Variants in PKP4 observed in about 807,000 individuals in gnomAD.
The protein encoded by PKP4 is plakophilin-4.
PKP4 carries 90 observed loss-of-function variants against 145.1 expected under a neutral mutation model. The observed-to-expected ratio is 0.62, with a 90% confidence interval of 0.52 to 0.74. The LOEUF (loss-of-function observed/expected upper bound fraction) is 0.74, where lower values mean the gene tolerates loss of function less well. PKP4 is among the 30% of genes least tolerant of loss of function. PKP4 has a pLI of 0.00. For missense variants in PKP4, 1,340 were observed against 1,482.7 expected (o/e 0.90, Z 1.58); for synonymous variants, 563 against 577.2 (o/e 0.98, Z 0.35).
chr2:158,503,360 C>G (rs1164448860), intron 1 of PKP4, among the ~76,000 whole-genome samples: 1 of 152,162 alleles, frequency 6.6e-6, no homozygotes, highest in African/African-American at 2.4e-5. Context: ...CCTCCCTCAC[C>G]TAAGATTAAA....
chr2:158,590,003 C>T (rs1223768608), intron 3 of PKP4, among the ~76,000 whole-genome samples: 1 of 152,062 alleles, frequency 6.6e-6, no homozygotes, highest in Non-Finnish European at 1.5e-5. Context: ...GGGTGGGGGA[C>T]AAACATGACA....
chr2:158,473,661 G>C (rs192497753), intron 1 of PKP4, among the ~76,000 whole-genome samples: 15 of 152,160 alleles, frequency 9.9e-5, no homozygotes, highest in Non-Finnish European at 1.9e-4. Flanking sequence ...TGAGGGTAGA[G>C]GGTGGGAGGA....
At chr2:158,650,223 C>G (rs1033503656) in intron 11 of PKP4, among the ~76,000 whole-genome samples, 12 of 152,220 alleles carry the variant, frequency 7.9e-5, no homozygotes, top group African/African-American at 2.9e-4. Flanking sequence ...AGGAGCCACT[C>G]TGTGTGTCCC....
In PKP4 at chr2:158,673,880, C is replaced by A; in HGVS notation, c.3010-3C>A. On this transcript the variant is annotated splice_polypyrimidine_tract_variant and splice_region_variant and intron_variant, in intron 18 of 21. Transcript: ENST00000389759. ...GAGGTTTCTTTTTCTCTTAACTCTGCAGGATGGGTGGAATCAGAACCATTT... is the reference window on the plus strand; with the variant it reads ...GAGGTTTCTTTTTCTCTTAACTCTGAAGGATGGGTGGAATCAGAACCATTT... The A allele has an allele frequency of 1.3e-6, 2 of 1,585,750 alleles. No individual in the cohort carries two copies. The highest frequency in any genetic ancestry group is 1.7e-5 in the Admixed American group (1 of 60,006).
chr2:158,498,357 C>T lies in PKP4; in HGVS notation c.-5-34823C>T, dbSNP rs181893175. 1.2e-3 allele frequency among the ~76,000 whole-genome samples: 188 copies of T among 152,218 alleles called. 1 individual carries two copies. Among genetic ancestry groups the T allele is most frequent in the African/African-American group, 4.3e-3 (180 of 41,546 alleles). ...TTAGGTGACTGAGAATGGGGAAAATCAAAACCTATCCAGATAAAAAGCATT... is the reference window on the plus strand; with the variant it reads ...TTAGGTGACTGAGAATGGGGAAAATTAAAACCTATCCAGATAAAAAGCATT... On this transcript the variant is annotated intron_variant, in intron 1 of 21. Transcript: ENST00000389759.
intron 3 of PKP4, among the ~76,000 whole-genome samples, chr2:158,589,532 G>A (rs1003053181): frequency 7.9e-5 from 12 of 152,114 alleles, no homozygotes; most frequent in African/African-American, 2.9e-4. Flanking sequence ...CTCCTATCTG[G>A]AAACTCTGAA....
At chr2:158,514,412 G>A (rs1386324970) in intron 1 of PKP4, among the ~76,000 whole-genome samples, 1 of 152,186 alleles carries the variant, frequency 6.6e-6, no homozygotes, top group Admixed American at 6.5e-5. Flanking sequence ...TCAAAAAGCT[G>A]TTTGGAGATG....
Position 158,674,020 on chromosome 2 carries a change from T to TGA in PKP4, c.3127+20_3127+21insGA. 3 of 1,288,074 alleles carry TGA rather than the reference T, an allele frequency of 2.3e-6. No individual in the cohort carries two copies. The highest frequency in any genetic ancestry group is 3.4e-6 in the Non-Finnish European group (3 of 881,862). The allele number at this position is 1,288,074 out of a possible 1,614,324, so 79.8% of individuals were successfully genotyped here. On this transcript the variant is annotated intron_variant, in intron 19 of 21. Transcript: ENST00000389759. ...AGTCAGGTCAGTGGGAAAATGCCAC[T>TGA]CCTTGGCGAGAACCTTTGTGTGACA... is the stretch of plus-strand genomic sequence containing the variant.
chr2:158,525,616 C>G (rs1479842212), intron 1 of PKP4, among the ~76,000 whole-genome samples: 2 of 73,658 alleles, frequency 2.7e-5, no homozygotes, highest in Non-Finnish European at 5.2e-5. Flanking sequence ...TAGCAGAAGG[C>G]AAGAAATAAT....
intron 3 of PKP4, among the ~76,000 whole-genome samples, chr2:158,587,465 T>C (rs1329213973): frequency 6.6e-6 from 1 of 152,040 alleles, no homozygotes; most frequent in Non-Finnish European, 1.5e-5. Flanking sequence ...TATGTGTACA[T>C]ATTGATAAAG....
intron 1 of PKP4, among the ~76,000 whole-genome samples, chr2:158,529,183 T>A (rs1340445047): frequency 6.6e-6 from 1 of 152,208 alleles, no homozygotes; most frequent in East Asian, 1.9e-4. Context: ...CCGTTATTGC[T>A]CCAACCTTTA....
chr2:158,509,672 G>T (rs1270628064), intron 1 of PKP4, among the ~76,000 whole-genome samples: 1 of 152,212 alleles, frequency 6.6e-6, no homozygotes, highest in Non-Finnish European at 1.5e-5. Flanking sequence ...TGTGGGCCGG[G>T]CGCGGTGGCT....
chr2:158,492,004 T>G (rs1408613499), intron 1 of PKP4, among the ~76,000 whole-genome samples: 2 of 152,086 alleles, frequency 1.3e-5, no homozygotes, highest in Non-Finnish European at 2.9e-5. Flanking sequence ...AGATGATGTC[T>G]CGCTATCTTG....
intron 11 of PKP4, among the ~76,000 whole-genome samples, chr2:158,653,364 A>G (rs1352037095): frequency 6.6e-6 from 1 of 152,230 alleles, no homozygotes; most frequent in Non-Finnish European, 1.5e-5. Flanking sequence ...TAGAATAGCT[A>G]TAAAGTTAGT....
chr2:158,562,657 A>G (rs1367050936), intron 2 of PKP4, among the ~76,000 whole-genome samples: 3 of 152,250 alleles, frequency 2.0e-5, no homozygotes, highest in Non-Finnish European at 4.4e-5. Context: ...GTAAAAATAT[A>G]TACATATATC....
At chr2:158,618,602 T>C (rs2051881559) in intron 4 of PKP4, among the ~76,000 whole-genome samples, 1 of 152,254 alleles carries the variant, frequency 6.6e-6, no homozygotes, top group South Asian at 2.1e-4. Flanking sequence ...TAAGGTTATT[T>C]ATTTTAAATA....
intron 7 of PKP4, among the ~76,000 whole-genome samples, chr2:158,631,294 T>C (rs1479525361): frequency 1.3e-5 from 2 of 152,128 alleles, no homozygotes; most frequent in Non-Finnish European, 2.9e-5. Context: ...GTGGCATTTC[T>C]CTTTGGTAAA....
chr2:158,593,403 G>C (rs1218271710), intron 3 of PKP4, among the ~76,000 whole-genome samples: 1 of 152,138 alleles, frequency 6.6e-6, no homozygotes, highest in African/African-American at 2.4e-5. Flanking sequence ...CCTGTTGTGG[G>C]ATGGGCATAA....
chr2:158,528,201 G>A (rs892021972), intron 1 of PKP4, among the ~76,000 whole-genome samples: 19 of 140,434 alleles, frequency 1.4e-4, no homozygotes, highest in East Asian at 6.0e-4. Flanking sequence ...TGTTTATTGC[G>A]GCATTATTCA....
Sources: gnomAD v4.1 joint callset for allele counts (sites outside exome capture counted in the v4.1 genomes callset) on GRCh38, gnomAD v4.1.1 for gene constraint, MANE v1.5 for transcripts, NCBI Gene and HGNC (gene_info 2026-07-23, HGNC 2026-07-21) for gene names.